Variants in COL5A2 observed in about 807,000 individuals in gnomAD.
COL5A2 encodes collagen alpha-2(V) chain.
COL5A2 carries 23 observed loss-of-function variants against 208.2 expected under a neutral mutation model. The observed-to-expected ratio is 0.11, with a 90% CI of 0.08 to 0.16. COL5A2 has a LOEUF of 0.16. Among genes scored for constraint, COL5A2 ranks in the 10% least tolerant of loss-of-function variants. The pLI is 1.00. For missense variants in COL5A2, 1,590 were observed against 1,956.4 expected (o/e 0.81, Z 3.53); for synonymous variants, 625 against 628.5 (o/e 0.99, Z 0.08).
chr2:189,437,624 C>G, the COL5A2 span, among the ~76,000 whole-genome samples: 1 of 152,208 alleles, frequency 6.6e-6, no homozygotes, highest in East Asian at 1.9e-4. Flanking sequence ...CATCACTTAA[C>G]TGCCTGAGGT....
At chr2:189,201,607 T>C (rs1286936392) in intron 1 of COL5A2, among the ~76,000 whole-genome samples, 1 of 151,944 alleles carries the variant, frequency 6.6e-6, no homozygotes, top group Non-Finnish European at 1.5e-5. Context: ...ATTCTAAAGT[T>C]AGAGAAATGT....
chr2:189,259,640 C>T, the COL5A2 span, among the ~76,000 whole-genome samples: 1 of 152,168 alleles, frequency 6.6e-6, no homozygotes, highest in Non-Finnish European at 1.5e-5. Flanking sequence ...AATGGTCTCA[C>T]AAGCTGACAT....
intron 16 of COL5A2, among the ~76,000 whole-genome samples, chr2:189,078,200 C>T (rs900049593): frequency 6.6e-6 from 1 of 151,878 alleles, no homozygotes; most frequent in East Asian, 1.9e-4. Flanking sequence ...TTAGTATATC[C>T]AAGTTTGTGT....
the COL5A2 span, among the ~76,000 whole-genome samples, chr2:189,331,656 C>G: frequency 6.6e-6 from 1 of 152,106 alleles, no homozygotes; most frequent in Non-Finnish European, 1.5e-5. Context: ...CCATGTGGAA[C>G]TATAAGTCCA....
At chr2:189,221,333 A>G (rs1016976325) in intron 1 of COL5A2, among the ~76,000 whole-genome samples, 4 of 152,148 alleles carry the variant, frequency 2.6e-5, no homozygotes, top group Admixed American at 6.6e-5. Flanking sequence ...ATAGCTGAGG[A>G]AGGTATAGGA....
chr2:189,417,576 T>A, the COL5A2 span, among the ~76,000 whole-genome samples: 1 of 152,140 alleles, frequency 6.6e-6, no homozygotes, highest in Non-Finnish European at 1.5e-5. Context: ...ATTAATTTGA[T>A]GAGGGATTAA....
At chr2:189,041,909 T>C (rs557047738) in intron 49 of COL5A2, among the ~76,000 whole-genome samples, 3 of 152,364 alleles carry the variant, frequency 2.0e-5, no homozygotes, top group Admixed American at 6.5e-5. Context: ...AAGACAAATA[T>C]GAGTTTACAT....
the COL5A2 span, among the ~76,000 whole-genome samples, chr2:189,325,776 T>C: frequency 4.5e-4 from 68 of 152,106 alleles, 1 homozygote; most frequent in African/African-American, 1.3e-3. Context: ...CTCTAAAAGT[T>C]TGAAGTCAAA....
At chr2:189,268,485 A>G in the COL5A2 span, among the ~76,000 whole-genome samples, 1 of 152,118 alleles carries the variant, frequency 6.6e-6, no homozygotes, top group African/African-American at 2.4e-5. Flanking sequence ...CAAACACCCT[A>G]CATCTGAGAA....
At chr2:189,167,236 C>A (rs551216168) in intron 1 of COL5A2, among the ~76,000 whole-genome samples, 64 of 152,262 alleles carry the variant, frequency 4.2e-4, no homozygotes, top group African/African-American at 1.5e-3. Context: ...GGACACTTGG[C>A]AACTTTACAA....
intron 40 of COL5A2, 142 bp from the exon 41 acceptor site, chr2:189,052,367 G>A (rs368929544): frequency 4.0e-5 from 32 of 792,858 alleles, no homozygotes; most frequent in East Asian, 3.5e-4. Flanking sequence ...TTCTTCGTAC[G>A]AATCCCATAT....
At chr2:189,157,162 C>CAAT (rs578052676) in intron 1 of COL5A2, among the ~76,000 whole-genome samples, 10 of 140,776 alleles carry the variant, frequency 7.1e-5, no homozygotes, top group African/African-American at 3.1e-4. Context: ...ATGTGCTAAG[C>CAAT]ATATATATAT....
At chr2:189,421,853 T>TAG in the COL5A2 span, among the ~76,000 whole-genome samples, 1 of 152,112 alleles carries the variant, frequency 6.6e-6, no homozygotes, top group Non-Finnish European at 1.5e-5. Context: ...GACTAAGGAT[T>TAG]TCTAGCACAT....
chr2:189,264,627 T>C, the COL5A2 span, among the ~76,000 whole-genome samples: 5 of 152,084 alleles, frequency 3.3e-5, no homozygotes, highest in South Asian at 1.0e-3. Context: ...TAATCACGAA[T>C]AGCTTCAATA....
In COL5A2 at chr2:189,034,235, A is replaced by G. The variant is rs1349189616; in HGVS notation, c.4354-19T>C. The G allele has an allele frequency of 6.2e-7, 1 of 1,613,504 alleles. No individual in the cohort carries two copies. The highest frequency in any genetic ancestry group is 2.2e-5 in the East Asian group (1 of 44,890). On this transcript the variant is annotated intron_variant, in intron 53 of 53. Transcript: ENST00000374866. ...TCCGCTTCTGAAATTAAATGATGCA[A>G]TGGGTTAAATGTACATACAATTTTT...
chr2:189,100,927 C>T (rs1419079655), intron 3 of COL5A2, among the ~76,000 whole-genome samples: 1 of 151,946 alleles, frequency 6.6e-6, no homozygotes, highest in Non-Finnish European at 1.5e-5. Flanking sequence ...ATATCAGGTA[C>T]ATAGATTAAA....
the COL5A2 span, among the ~76,000 whole-genome samples, chr2:189,315,058 G>T: frequency 1.3e-5 from 2 of 152,134 alleles, no homozygotes; most frequent in African/African-American, 4.8e-5. Context: ...TGAGGAGGAA[G>T]GACTCCTTCC....
the COL5A2 span, among the ~76,000 whole-genome samples, chr2:189,307,141 T>C: frequency 1.3e-5 from 2 of 152,184 alleles, no homozygotes; most frequent in Non-Finnish European, 2.9e-5. Flanking sequence ...ATTCCACATA[T>C]ATAACACATC....
chr2:189,339,130 C>A, the COL5A2 span, among the ~76,000 whole-genome samples: 1 of 152,096 alleles, frequency 6.6e-6, no homozygotes, highest in Non-Finnish European at 1.5e-5. Flanking sequence ...GTGGGTGGAC[C>A]ACCTGAAGCC....
Sources: allele counts gnomAD v4.1 joint callset (sites outside exome capture counted in the v4.1 genomes callset), GRCh38; gene constraint gnomAD v4.1.1; transcripts MANE v1.5; gene names NCBI Gene and HGNC (gene_info 2026-07-23, HGNC 2026-07-21).